The following ABTB3 variants were observed in gnomAD, a reference collection of about 807,000 sequenced individuals.
ABTB3 encodes the protein ankyrin repeat and BTB domain containing 3.
the ABTB3 span, among the ~76,000 whole-genome samples, chr12:107,349,180 A>G: frequency 6.6e-6 from 1 of 152,172 alleles, no homozygotes; most frequent in African/African-American, 2.4e-5. Context: ...GCTTCTCAGG[A>G]TGAGCAGCCT....
the ABTB3 span, among the ~76,000 whole-genome samples, chr12:107,618,783 C>G: frequency 6.6e-6 from 1 of 152,190 alleles, no homozygotes; most frequent in Non-Finnish European, 1.5e-5. Context: ...AACAATCATC[C>G]CAGGTGGTTC....
chr12:107,509,611 C>T, the ABTB3 span, among the ~76,000 whole-genome samples: 2 of 152,142 alleles, frequency 1.3e-5, no homozygotes, highest in East Asian at 1.9e-4. Flanking sequence ...GCAGGGTGAC[C>T]CCAAGTCAGC....
At chr12:107,378,809 G>A in the ABTB3 span, among the ~76,000 whole-genome samples, 2 of 152,190 alleles carry the variant, frequency 1.3e-5, no homozygotes, top group Admixed American at 6.5e-5. Flanking sequence ...GTCCCCTGAT[G>A]GGTCTTTGGC....
the ABTB3 span, among the ~76,000 whole-genome samples, chr12:107,501,545 C>T: frequency 6.6e-6 from 1 of 151,978 alleles, no homozygotes; most frequent in African/African-American, 2.4e-5. Flanking sequence ...CAAAAAAATA[C>T]AAAAATTAGC....
At chr12:107,571,945 C>T in the ABTB3 span, among the ~76,000 whole-genome samples, 2 of 152,194 alleles carry the variant, frequency 1.3e-5, no homozygotes, top group African/African-American at 4.8e-5. Context: ...CAGAAAATAC[C>T]TACAGAGAAT....
At chr12:107,359,425 T>C in the ABTB3 span, among the ~76,000 whole-genome samples, 2 of 152,202 alleles carry the variant, frequency 1.3e-5, no homozygotes, top group East Asian at 1.9e-4. Context: ...CTCAGGGCTC[T>C]GGGTACTCCA....
At chr12:107,539,431 T>A in the ABTB3 span, among the ~76,000 whole-genome samples, 1 of 152,164 alleles carries the variant, frequency 6.6e-6, no homozygotes, top group Non-Finnish European at 1.5e-5. Context: ...CCTTTTTTTT[T>A]CTTCCTCCCA....
the ABTB3 span, among the ~76,000 whole-genome samples, chr12:107,488,991 G>A: frequency 1.3e-5 from 2 of 152,054 alleles, no homozygotes; most frequent in Non-Finnish European, 2.9e-5. Flanking sequence ...AGAAAGAAAG[G>A]AAGAAGTCAC....
the ABTB3 span, among the ~76,000 whole-genome samples, chr12:107,434,957 C>A: frequency 6.6e-6 from 1 of 152,076 alleles, no homozygotes; most frequent in East Asian, 1.9e-4. Context: ...GGGAGGGTAG[C>A]GTAGGAGGTG....
the ABTB3 span, among the ~76,000 whole-genome samples, chr12:107,584,963 C>T: frequency 6.7e-6 from 1 of 149,902 alleles, no homozygotes; most frequent in Non-Finnish European, 1.5e-5. Flanking sequence ...TGAATTCTCC[C>T]TTTTTTTTTT....
At chr12:107,577,330 T>C in the ABTB3 span, among the ~76,000 whole-genome samples, 1 of 152,178 alleles carries the variant, frequency 6.6e-6, no homozygotes, top group African/African-American at 2.4e-5. Flanking sequence ...AGAGGAGCCC[T>C]CCAGTGAGTT....
the ABTB3 span, chr12:107,610,550 T>C: frequency 1.7e-6 from 1 of 583,414 alleles, no homozygotes; most frequent in Non-Finnish European, 2.9e-6. Flanking sequence ...GGTTCATCTT[T>C]ATAGAAGTAG....
At chr12:107,554,158 A>T in the ABTB3 span, among the ~76,000 whole-genome samples, 1 of 152,208 alleles carries the variant, frequency 6.6e-6, no homozygotes, top group South Asian at 2.1e-4. Context: ...GAAGTAGGTT[A>T]TGTCTCACCT....
At chr12:107,598,062 TA>T in the ABTB3 span, among the ~76,000 whole-genome samples, 2 of 152,228 alleles carry the variant, frequency 1.3e-5, no homozygotes, top group African/African-American at 4.8e-5. Flanking sequence ...TAGTCAAAGC[TA>T]GGACACTGGC....
the ABTB3 span, among the ~76,000 whole-genome samples, chr12:107,494,272 G>A: frequency 6.6e-6 from 1 of 152,154 alleles, no homozygotes; most frequent in African/African-American, 2.4e-5. Context: ...TGGCAAGCTA[G>A]GATCTGGGCC....
At chr12:107,454,813 T>A in the ABTB3 span, among the ~76,000 whole-genome samples, 1 of 152,324 alleles carries the variant, frequency 6.6e-6, no homozygotes, top group South Asian at 2.1e-4. Context: ...TTTGTACCTC[T>A]GTTAAATCTG....
chr12:107,630,836 AT>A, the ABTB3 span, among the ~76,000 whole-genome samples: 1 of 152,210 alleles, frequency 6.6e-6, no homozygotes, highest in Admixed American at 6.5e-5. Context: ...ACTTTTCCCT[AT>A]GATTAATAGG....
At chr12:107,621,732 A>C in the ABTB3 span, among the ~76,000 whole-genome samples, 2 of 152,020 alleles carry the variant, frequency 1.3e-5, no homozygotes, top group Admixed American at 6.6e-5. Context: ...ACCCTACTCC[A>C]CTGCTATCCT....
chr12:107,395,861 C>T, the ABTB3 span, among the ~76,000 whole-genome samples: 2 of 152,240 alleles, frequency 1.3e-5, no homozygotes, highest in African/African-American at 4.8e-5. Context: ...GAAGGCAACA[C>T]AGCAACCCTG....
Sources: gnomAD v4.1 joint callset for allele counts (sites outside exome capture counted in the v4.1 genomes callset) on GRCh38, gnomAD v4.1.1 for gene constraint, MANE v1.5 for transcripts, NCBI Gene and HGNC (gene_info 2026-07-23, HGNC 2026-07-21) for gene names.